Variants in POM121 observed in about 807,000 individuals in gnomAD.
The protein encoded by POM121 is nuclear envelope pore membrane protein POM 121.
POM121 carries 32 observed loss-of-function variants against 81.3 expected under a neutral mutation model. The observed-to-expected ratio is 0.39, with a 90% CI of 0.30 to 0.53. POM121 has a LOEUF of 0.53. Ranked by LOEUF, POM121 falls within the 20% of genes least tolerant of loss-of-function variation. The pLI is 0.66. For missense variants in POM121, 1,138 were observed against 1,614.6 expected (o/e 0.70, Z 5.06); for synonymous variants, 514 against 694.2 (o/e 0.74, Z 4.08).
At chr7:72,934,770 C>T (rs1796355588) in intron 5 of POM121, among the ~76,000 whole-genome samples, 1 of 152,082 alleles carries the variant, frequency 6.6e-6, no homozygotes, top group Non-Finnish European at 1.5e-5. Context: ...CTCTTAGCAA[C>T]ATTTATTGAA....
intron 5 of POM121, among the ~76,000 whole-genome samples, chr7:72,932,900 A>G (rs1206988884): frequency 1.3e-5 from 2 of 151,612 alleles, no homozygotes; most frequent in Non-Finnish European, 2.9e-5. Flanking sequence ...AAAAACATAA[A>G]AATTAGCTGG....
chr7:72,894,218 G>A (rs1260498083), intron 3 of POM121, among the ~76,000 whole-genome samples: 38 of 152,022 alleles, frequency 2.5e-4, no homozygotes, highest in Non-Finnish European at 4.4e-5. Flanking sequence ...AGGAGAGAAC[G>A]CACCACTGCA....
chr7:72,903,921 C>T (rs1481288773), intron 3 of POM121, among the ~76,000 whole-genome samples: 1 of 152,256 alleles, frequency 6.6e-6, no homozygotes, highest in African/African-American at 2.4e-5. Flanking sequence ...GCAGGGATTA[C>T]AGGCTTGTGC....
intron 5 of POM121, among the ~76,000 whole-genome samples, chr7:72,932,001 A>G (rs1185832556): frequency 2.0e-5 from 3 of 150,386 alleles, no homozygotes; most frequent in Non-Finnish European, 4.4e-5. Flanking sequence ...CATGTAATCA[A>G]TATATCGTGT....
rs1554497230 is a variant in POM121 at position 72,925,734 on chromosome 7, C to G, written c.613C>G (p.Leu205Val). 1 of 1,301,306 alleles carries G rather than the reference C, an allele frequency of 7.7e-7. No individual in the cohort carries two copies. The highest frequency in any genetic ancestry group is 9.8e-7 in the Non-Finnish European group (1 of 1,021,948). The allele number at this position is 1,301,306 out of a possible 1,614,324, so 80.6% of individuals were successfully genotyped here. The change falls in exon 1 of 13, where the codon CTT becomes GTT. Residue 205 changes from leucine (L) to valine (V), a missense_variant. By Grantham distance (32) the Leu-to-Val change is conservative. This residue lies in a region of POM121 where 646 missense variants were observed against 633.5 expected (regional missense o/e 1.02). Coordinates refer to ENST00000434423, the MANE Select transcript of POM121 (RefSeq NM_001387691.1). ...HHVYPSLPTP[L>V]LRPSRRPSPR... is the part of the protein sequence containing the mutation. ...CGTTTACCCCTCTCTGCCCACTCCT[C>G]TTCTCCGACCCTCCAGGAGGCCTTC...
intron 7 of POM121, 27 bp from the exon 8 acceptor site, chr7:72,939,820 C>T (rs1478862226): frequency 6.2e-7 from 1 of 1,610,728 alleles, no homozygotes. Context: ...GGGAAGGAAG[C>T]AAACGAGTCT....
At chr7:72,926,086 ACT>A (rs1327574853) in intron 1 of POM121, among the ~76,000 whole-genome samples, 174 bp from the exon 2 acceptor site, 13 of 152,098 alleles carry the variant, frequency 8.5e-5, no homozygotes, top group African/African-American at 2.9e-4. Context: ...AGCAGCTGTC[ACT>A]CTCTGGCCTT....
upstream of POM121, among the ~76,000 whole-genome samples, chr7:72,920,698 T>C (rs1554495899): frequency 6.6e-6 from 1 of 152,084 alleles, no homozygotes; most frequent in Non-Finnish European, 1.5e-5. Context: ...TGTTTTGGGA[T>C]GTATTTAAGA....
intron 5 of POM121, among the ~76,000 whole-genome samples, chr7:72,930,579 A>G (rs548415414): frequency 6.6e-6 from 1 of 152,268 alleles, no homozygotes; most frequent in East Asian, 1.9e-4. Flanking sequence ...GATTTATCTT[A>G]TAGGCGTTTA....
intron 5 of POM121, among the ~76,000 whole-genome samples, chr7:72,935,326 C>T (rs1796407504): frequency 2.0e-5 from 3 of 152,002 alleles, no homozygotes; most frequent in Admixed American, 2.0e-4. Context: ...GCATGCATCA[C>T]CACACCTAGC....
chr7:72,879,541 C>G (rs1174871562), exon 1 of POM121: 1 of 265,790 alleles, frequency 3.8e-6, no homozygotes, highest in Admixed American at 6.1e-5. Flanking sequence ...GAGCCGGGAC[C>G]CCCGAGCGTG....
chr7:72,926,699 C>T, intron 2 of POM121, 103 bp from the exon 3 acceptor site: 1 of 1,517,768 alleles, frequency 6.6e-7, no homozygotes. Context: ...ATAAATTATA[C>T]TTTGGCCTGT....
At chr7:72,923,794 T>C (rs1379834109), upstream of POM121, among the ~76,000 whole-genome samples, 2 of 149,780 alleles carry the variant, frequency 1.3e-5, no homozygotes, top group Non-Finnish European at 3.0e-5. Flanking sequence ...AGAGACGGAG[T>C]TTCACCATAT....
At position 72,945,525 on chromosome 7, in the gene POM121, C is replaced by T. The variant is rs558515683; in HGVS notation, c.3530-61C>T. Reference sequence around the variant, plus strand: ...GCCCTGCGGAGCACAGGCTCCTGCCCGGCTCCTCGCTTGCCTCTGCCCTCT... The same window carrying T: ...GCCCTGCGGAGCACAGGCTCCTGCCTGGCTCCTCGCTTGCCTCTGCCCTCT... On this transcript the variant is annotated intron_variant, in intron 11 of 12. Transcript: ENST00000434423. 5.0e-4 allele frequency: 801 copies of T among 1,600,248 alleles called. 12 individuals are homozygous for T. The South Asian group carries it at 7.0e-3, about 14-fold the overall frequency.
exon 1 of POM121, chr7:72,879,453 G>A (rs1789911548): frequency 4.7e-6 from 1 of 212,334 alleles, no homozygotes; most frequent in Non-Finnish European, 9.4e-6. Context: ...TGCGGGGCTG[G>A]ACGCTGACCG....
intron 1 of POM121, among the ~76,000 whole-genome samples, chr7:72,887,386 C>T (rs563955003): frequency 6.6e-6 from 1 of 152,236 alleles, no homozygotes; most frequent in Admixed American, 6.5e-5. Flanking sequence ...TCCCATCCCA[C>T]AACTCTTTCT....
chr7:72,892,501 A>G (rs1369686859), intron 3 of POM121, among the ~76,000 whole-genome samples: 1 of 152,154 alleles, frequency 6.6e-6, no homozygotes, highest in Non-Finnish European at 1.5e-5. Flanking sequence ...TTCTTTTGAC[A>G]TTAGTGTTCA....
chr7:72,881,086 T>TC (rs1270978169), intron 1 of POM121, among the ~76,000 whole-genome samples: 2 of 120,784 alleles, frequency 1.7e-5, no homozygotes, highest in African/African-American at 5.7e-5. Flanking sequence ...TTTTTTTTTT[T>TC]TTGAGACAGT....
chr7:72,892,659 C>G (rs759452982), intron 3 of POM121, among the ~76,000 whole-genome samples: 3 of 151,270 alleles, frequency 2.0e-5, no homozygotes, highest in Non-Finnish European at 4.4e-5. Context: ...CTCCCTCCCT[C>G]CCTTCCTTCC....
Sources: allele counts gnomAD v4.1 joint callset (sites outside exome capture counted in the v4.1 genomes callset), GRCh38; gene constraint gnomAD v4.1.1; regional missense constraint gnomAD v4.1.1; transcripts MANE v1.5; gene names NCBI Gene and HGNC (gene_info 2026-07-23, HGNC 2026-07-21).